COL7A1: variants seen among roughly 807,000 people sequenced by gnomAD.
The protein encoded by COL7A1 is collagen type VII alpha 1 chain.
A neutral mutation model predicts 456.2 loss-of-function variants in COL7A1; 296 were observed. The ratio of observed to expected loss-of-function variants is 0.65; its 90% CI spans 0.59 to 0.71. The LOEUF (loss-of-function observed/expected upper bound fraction) is 0.71. Among genes scored for constraint, COL7A1 ranks in the 30% least tolerant of loss-of-function variants. The pLI is 0.00. For synonymous variants in COL7A1, 1,464 were observed against 1,525.9 expected, an observed-to-expected ratio of 0.96 and a Z score of 0.95; for missense variants, 3,441 against 4,017.2, an observed-to-expected ratio of 0.86 and a Z score of 3.88.
Position 48,587,422 on chromosome 3 carries a change from T to G in COL7A1, c.2990A>C (p.Gln997Pro). 2.5e-6 allele frequency: 4 copies of G among 1,613,236 alleles called. No homozygotes were observed. The highest frequency in any genetic ancestry group is 3.4e-6 in the Non-Finnish European group (4 of 1,180,000). The change falls in exon 23 of 119, where the codon CAG (glutamine) becomes CCG (proline). Residue 997 changes from glutamine (Q) to proline (P), a missense_variant and splice_region_variant. By Grantham distance (76) the Gln-to-Pro change is moderately conservative. Around this residue, in one of 3 missense-constraint regions of COL7A1, gnomAD observed 444 missense variants for 427.6 expected, o/e 1.04. Coordinates refer to ENST00000681320, the MANE Select transcript of COL7A1 (RefSeq NM_000094.4). The surrounding 1 kb of genome is among the most constrained non-coding windows in gnomAD (Gnocchi z 6.1). ...CCAAATCCTGGCCTCCCCCTCACCCTGGCCAGGGCCTCTGAGTGGCCGCCA... is the reference window on the plus strand; with the variant it reads ...CCAAATCCTGGCCTCCCCCTCACCCGGGCCAGGGCCTCTGAGTGGCCGCCA... ...LSWRPLRGPG[Q>P]EVPGSPQTLP...
In COL7A1 at chr3:48,573,838, G is replaced by A; in HGVS notation, c.6537+17C>T. On this transcript the variant is annotated intron_variant, in intron 81 of 118. Coordinates refer to ENST00000681320, the MANE Select transcript of COL7A1 (RefSeq NM_000094.4). The surrounding 1 kb of genome is among the most constrained non-coding windows in gnomAD (Gnocchi z 5.5). ...ACAGGATGGGGGCAAGACAGGTGAA[G>A]GTTCTTGGGTACTCACCACTGGGCC... 6.2e-7 allele frequency: 1 copy of A among 1,614,062 alleles called. No homozygotes were observed. Among genetic ancestry groups the A allele is most frequent in the Non-Finnish European group, 8.5e-7 (1 of 1,180,006 alleles).
In COL7A1 at chr3:48,565,295, T is replaced by C. The variant is rs1439912933; in HGVS notation, c.8528-94A>G. ...TTCCACTGTGTGCACACAGTGCCCA[T>C]GCGTGTGCCCTGCATGCAGACCCTA... On this transcript the variant is annotated intron_variant, in intron 116 of 118. Coordinates refer to ENST00000681320, the MANE Select transcript of COL7A1 (RefSeq NM_000094.4). The surrounding 1 kb of genome is among the most constrained non-coding windows in gnomAD (Gnocchi z 4.5). 3.4e-6 allele frequency: 5 copies of C among 1,482,054 alleles called. No individual in the cohort carries two copies. The highest frequency in any genetic ancestry group is 2.0e-4 in the Middle Eastern group (1 of 5,088). 91.8% of individuals were successfully genotyped at this position (1,482,054 alleles called of 1,614,324 possible).
In COL7A1 at chr3:48,587,315, G is replaced by A. The variant is rs2045343876; in HGVS notation, c.3014C>T (p.Thr1005Ile). ...PGQEVPGSPQ[T>I]LPGISSSQRV... ...CTGGGAGCTTGAGATCCCTGGAAGT[G>A]TCTGCGGGGACCCAGGCACTTCTGC... is the stretch of plus-strand genomic sequence containing the variant. Residue 1005 changes from threonine (T) to isoleucine (I), a missense_variant, in exon 24 of 119, where the codon ACA (threonine) becomes ATA (isoleucine). By Grantham distance (89) the Thr-to-Ile change is moderately conservative (BLOSUM62 -1). Coordinates refer to ENST00000681320, the MANE Select transcript of COL7A1 (RefSeq NM_000094.4). This position sits in a 1 kb window ranked among gnomAD's most constrained non-coding sequence, Gnocchi z 6.1. 1 of 1,601,692 alleles carries A rather than the reference G, an allele frequency of 6.2e-7. No homozygotes were observed.
At position 48,587,443 on chromosome 3, in the gene COL7A1, C is replaced by T. The variant is rs568498471; in HGVS notation, c.2969G>A (p.Arg990Gln). Residue 990 changes from arginine to glutamine, a missense_variant, in exon 23 of 119, where the codon CGG becomes CAG. Around this residue, in one of 3 missense-constraint regions of COL7A1, gnomAD observed 444 missense variants for 427.6 expected, o/e 1.04. Transcript: ENST00000681320. The surrounding 1 kb of genome is among the most constrained non-coding windows in gnomAD (Gnocchi z 6.1). ...SRASSYILSW[R>Q]PLRGPGQEVP... is the part of the protein sequence containing the mutation. Reference sequence around the variant, plus strand: ...ACCCTGGCCAGGGCCTCTGAGTGGCCGCCAGGATAGGATGTAGCTGGATGC... The same window carrying T: ...ACCCTGGCCAGGGCCTCTGAGTGGCTGCCAGGATAGGATGTAGCTGGATGC... The T allele has an allele frequency of 1.2e-4, 198 of 1,613,230 alleles. No individual in the cohort carries two copies. The highest frequency in any genetic ancestry group is 9.8e-4 in the East Asian group (44 of 44,880).
rs757816953 is a variant in COL7A1, at chr3:48,567,764, C to G, written c.7930-1G>C. 2.5e-6 allele frequency: 4 copies of G among 1,614,196 alleles called. No individual in the cohort carries two copies. The highest frequency in any genetic ancestry group is 2.5e-6 in the Non-Finnish European group (3 of 1,180,030). ...GGCGGCCTGGGGGACCAGCTTCTCC[C>G]TGCAGGCATCAGGCAGTGGGGTGAG... On this transcript the variant is annotated splice_acceptor_variant, in intron 107 of 118. Coordinates refer to ENST00000681320, the MANE Select transcript of COL7A1 (RefSeq NM_000094.4). LOFTEE classifies it high-confidence loss of function. The surrounding 1 kb of genome is among the most constrained non-coding windows in gnomAD (Gnocchi z 4.3).
At position 48,590,842 on chromosome 3, in the gene COL7A1, G is replaced by A; in HGVS notation, c.1637-26C>T. On this transcript the variant is annotated intron_variant, in intron 13 of 118. Coordinates refer to ENST00000681320, the MANE Select transcript of COL7A1 (RefSeq NM_000094.4). This position sits in a 1 kb window ranked among gnomAD's most constrained non-coding sequence, Gnocchi z 4.6. ...CTAAGAGAGAAGTCAGGGTAGGTGG[G>A]CAGGGGTCAGAAAGAGACAGGGATG... is the stretch of plus-strand genomic sequence containing the variant. 1 of 1,610,370 alleles carries A rather than the reference G, an allele frequency of 6.2e-7. No individual in the cohort carries two copies. The highest frequency in any genetic ancestry group is 8.5e-7 in the Non-Finnish European group (1 of 1,179,898).
In COL7A1 at chr3:48,575,263, G is replaced by A. The variant is rs1374620652; in HGVS notation, c.6181-21C>T. The A allele has an allele frequency of 7.4e-6, 12 of 1,613,924 alleles. No individual in the cohort carries two copies. The highest frequency in any genetic ancestry group is 1.0e-5 in the Non-Finnish European group (12 of 1,179,970). On this transcript the variant is annotated intron_variant, in intron 74 of 118. Transcript: ENST00000681320. This position sits in a 1 kb window ranked among gnomAD's most constrained non-coding sequence, Gnocchi z 6.3. ...TCTCCCTGAAATGCAAATAGCGGGT[G>A]AGGGCCAAGCCCATGGGGGGTCCCA... is the stretch of plus-strand genomic sequence containing the variant.
chr3:48,587,836 C>T lies in COL7A1; in HGVS notation c.2814G>A (p.Gly938=), dbSNP rs2045384518. The T allele has an allele frequency of 6.2e-7, 1 of 1,613,424 alleles. No individual in the cohort carries two copies. Among genetic ancestry groups the T allele is most frequent in the African/African-American group, 1.3e-5 (1 of 75,018 alleles). Residue 938 remains glycine (G), a synonymous_variant, in exon 22 of 119, where the codon GGG becomes GGA. Coordinates refer to ENST00000681320, the MANE Select transcript of COL7A1 (RefSeq NM_000094.4). The surrounding 1 kb of genome is among the most constrained non-coding windows in gnomAD (Gnocchi z 6.1). ...CTGCAGAGGGCCCTTCTCCAGCTGGCCCTAGGACACTCAGCCTCACGCGGT... is the reference window on the plus strand; with the variant it reads ...CTGCAGAGGGCCCTTCTCCAGCTGGTCCTAGGACACTCAGCCTCACGCGGT... The part of the protein sequence containing the change: ...TQYRVRLSVL[G]PAGEGPSAEV...
chr3:48,584,196 G>T (rs1195405345), intron 37 of COL7A1, 102 bp downstream of exon 37: 1 of 1,551,540 alleles, frequency 6.4e-7, no homozygotes, highest in Non-Finnish European at 8.8e-7. Context: ...GAGGATGGGG[G>T]TAATCAAAGG....
rs577451319 is a variant in COL7A1, at chr3:48,594,864, C to T, written c.85+211G>A. 6.6e-6 allele frequency among the ~76,000 whole-genome samples: 1 copy of T among 152,222 alleles called. No individual in the cohort carries two copies. The highest frequency in any genetic ancestry group is 2.4e-5 in the African/African-American group (1 of 41,542). ...GGGGACCCCGCACGCATCCAGGGAG[C>T]CAGAATTTGGGTAGGAACAGGATAG... On this transcript the variant is annotated intron_variant, in intron 2 of 118. Transcript: ENST00000681320. This position sits in a 1 kb window ranked among gnomAD's most constrained non-coding sequence, Gnocchi z 5.5.
chr3:48,592,490 A>G lies in COL7A1; in HGVS notation c.977-23T>C. The G allele has an allele frequency of 6.2e-7, 1 of 1,611,154 alleles. No homozygotes were observed. On this transcript the variant is annotated intron_variant, in intron 8 of 118. Transcript: ENST00000681320. This position sits in a 1 kb window ranked among gnomAD's most constrained non-coding sequence, Gnocchi z 7.6. Reference sequence around the variant, plus strand: ...CAGCTGGGGGAGAGTCCCACCAGGGATTCATGGAGTCAGAAGTGGGAGGGG... The same window carrying G: ...CAGCTGGGGGAGAGTCCCACCAGGGGTTCATGGAGTCAGAAGTGGGAGGGG...
Position 48,591,442 on chromosome 3 carries a change from G to A in COL7A1, c.1636+22C>T. On this transcript the variant is annotated intron_variant, in intron 13 of 118. Coordinates refer to ENST00000681320, the MANE Select transcript of COL7A1 (RefSeq NM_000094.4). The surrounding 1 kb of genome is among the most constrained non-coding windows in gnomAD (Gnocchi z 7.0). The stretch of plus-strand genomic sequence containing the variant: ...TGGAACTTCAGTGTGTGTGGTGGGG[G>A]TGCTGGCTGCGTCCACCTCACCCTG... 6.2e-7 allele frequency: 1 copy of A among 1,611,952 alleles called. No homozygotes were observed. The highest frequency in any genetic ancestry group is 8.5e-7 in the Non-Finnish European group (1 of 1,179,036).
rs541910186 is a variant in COL7A1, at chr3:48,574,301, T to C, written c.6462A>G (p.Leu2154=). ...GCCCAGCCATACCACGCTCTCCTGG[T>C]AGACCCTGCAGAGAATAGGTTTAAG... is the stretch of plus-strand genomic sequence containing the variant. The part of the protein sequence containing the change: ...GPRGQDGNPG[L]PGERGMAGPE... The change falls in exon 80 of 119, where the codon CTA becomes CTG. Residue 2154 remains leucine (L), a synonymous_variant. Coordinates refer to ENST00000681320, the MANE Select transcript of COL7A1 (RefSeq NM_000094.4). This position sits in a 1 kb window ranked among gnomAD's most constrained non-coding sequence, Gnocchi z 5.0. 14 of 1,614,144 alleles carry C rather than the reference T, an allele frequency of 8.7e-6. No homozygotes were observed. In the East Asian group the frequency reaches 2.7e-4, roughly 31 times the overall value.
chr3:48,565,581 A>G lies in COL7A1; in HGVS notation c.8440+55T>C. On this transcript the variant is annotated intron_variant, in intron 115 of 118. Coordinates refer to ENST00000681320, the MANE Select transcript of COL7A1 (RefSeq NM_000094.4). The surrounding 1 kb of genome is among the most constrained non-coding windows in gnomAD (Gnocchi z 4.5). ...AACCCCCCTGAGAGGACCCCAGTTG[A>G]TAGGCAGGGCAGGGCCTGGGGTGAA... The G allele has an allele frequency of 6.2e-7, 1 of 1,614,022 alleles. No homozygotes were observed. Among genetic ancestry groups the G allele is most frequent in the Non-Finnish European group, 8.5e-7 (1 of 1,179,936 alleles).
chr3:48,582,651 C>G lies in COL7A1; in HGVS notation c.4521G>C (p.Gly1507=), dbSNP rs747087195. 1.3e-5 allele frequency: 21 copies of G among 1,613,264 alleles called. No individual in the cohort carries two copies. Among genetic ancestry groups the G allele is most frequent in the South Asian group, 3.3e-5 (3 of 91,076 alleles). ...RGPPGPAGSR[G]LPGVAGRPGA... is the part of the protein sequence containing the mutation. ...CAGGACGTCCAGCAACCCCTGGCAG[C>G]CCCTGGAGGAGAGGAAGGGAAGAGC... Residue 1507 remains glycine, a splice_region_variant and synonymous_variant, in exon 45 of 119, where the codon GGG becomes GGC. Coordinates refer to ENST00000681320, the MANE Select transcript of COL7A1 (RefSeq NM_000094.4).
rs373152375 is a variant in COL7A1 at position 48,580,883 on chromosome 3, C to T, written c.4979G>A (p.Arg1660Gln). 7.4e-6 allele frequency: 12 copies of T among 1,614,108 alleles called. No homozygotes were observed. The highest frequency in any genetic ancestry group is 3.3e-5 in the South Asian group (3 of 91,082). The change falls in exon 54 of 119, where the codon CGG becomes CAG. Residue 1660 changes from arginine to glutamine, a missense_variant and splice_region_variant. Arg to Gln is a conservative substitution (Grantham distance 43). Transcript: ENST00000681320. The surrounding 1 kb of genome is among the most constrained non-coding windows in gnomAD (Gnocchi z 4.5). The stretch of plus-strand genomic sequence containing the variant: ...TTACTTCTCTCTGCCAAGACTCACC[C>T]GAAGGCCACGCTCGCCTGCTTTTCC... ...LPGKAGERGL[R>Q]GAPGVRGPVG...
rs776342984 is a variant in COL7A1 at position 48,573,894 on chromosome 3, C to CAT, written c.6502-6_6502-5dup. 1 of 1,613,346 alleles carries CAT rather than the reference C, an allele frequency of 6.2e-7. No individual in the cohort carries two copies. The highest frequency in any genetic ancestry group is 8.5e-7 in the Non-Finnish European group (1 of 1,179,938). On this transcript the variant is annotated splice_polypyrimidine_tract_variant and splice_region_variant and intron_variant, in intron 80 of 118. Coordinates refer to ENST00000681320, the MANE Select transcript of COL7A1 (RefSeq NM_000094.4). This position sits in a 1 kb window ranked among gnomAD's most constrained non-coding sequence, Gnocchi z 5.5. ...GGCCTCTTGGACCCTGCAGACCCTA[C>CAT]ATAGAGAGGGCACTGATGAGCCTCA... is the stretch of plus-strand genomic sequence containing the variant.
At position 48,575,675 on chromosome 3, in the gene COL7A1, C is replaced by T. The variant is rs182669506; in HGVS notation, c.5930G>A (p.Arg1977His). The change falls in exon 73 of 119, where the codon CGT (arginine) becomes CAT (histidine). Residue 1977 changes from arginine (R) to histidine (H), a missense_variant. Coordinates refer to ENST00000681320, the MANE Select transcript of COL7A1 (RefSeq NM_000094.4). This position sits in a 1 kb window ranked among gnomAD's most constrained non-coding sequence, Gnocchi z 6.3. ...SGSFLPVPERRRGPKGDSGEQ... is the reference protein window; with the variant it reads ...SGSFLPVPERHRGPKGDSGEQ... Reference sequence around the variant, plus strand: ...GCCTGAGTCCCCCTTGGGGCCTCGACGCCGTTCGGGCACAGGCAGGAAGCT... The same window carrying T: ...GCCTGAGTCCCCCTTGGGGCCTCGATGCCGTTCGGGCACAGGCAGGAAGCT... 8.7e-6 allele frequency: 14 copies of T among 1,613,512 alleles called. No individual in the cohort carries two copies. The highest frequency in any genetic ancestry group is 2.7e-5 in the African/African-American group (2 of 74,942).
At chr3:48,584,856 T>C in intron 34 of COL7A1, 54 bp downstream of exon 34, 1 of 1,613,788 alleles carries the variant, frequency 6.2e-7, no homozygotes, top group African/African-American at 1.3e-5. Flanking sequence ...GCTCCCACCC[T>C]GTGGAAGAAC....
Sources: gnomAD v4.1 joint callset for allele counts (sites outside exome capture counted in the v4.1 genomes callset) on GRCh38, gnomAD v4.1.1 for gene constraint, gnomAD v4.1.1 regional missense constraint, Gnocchi (gnomAD v3.1) non-coding constraint, MANE v1.5 for transcripts, NCBI Gene and HGNC (gene_info 2026-07-23, HGNC 2026-07-21) for gene names.